Variants in CATSPERT observed in about 807,000 individuals in gnomAD.
CATSPERT encodes cation channel sperm-associated targeting subunit tau.
At chr2:201,568,572 C>G in the CATSPERT span, among the ~76,000 whole-genome samples, 1 of 152,112 alleles carries the variant, frequency 6.6e-6, no homozygotes, top group Non-Finnish European at 1.5e-5. Flanking sequence ...TTGAAGTTGT[C>G]ACTTGGCTAA....
At chr2:201,491,027 A>C in the CATSPERT span, 2 of 733,588 alleles carry the variant, frequency 2.7e-6, no homozygotes, top group African/African-American at 3.5e-5. Flanking sequence ...CTGGTCTTTC[A>C]GAGGAATTTT....
chr2:201,576,874 T>C, the CATSPERT span, among the ~76,000 whole-genome samples: 1 of 152,148 alleles, frequency 6.6e-6, no homozygotes, highest in Non-Finnish European at 1.5e-5. Flanking sequence ...ATAAGCTGAG[T>C]CCCGATAGGA....
At chr2:201,536,421 T>C in the CATSPERT span, 2 of 1,342,080 alleles carry the variant, frequency 1.5e-6, no homozygotes, top group Non-Finnish European at 2.0e-6. Context: ...ACCCTTATCC[T>C]TTAGCATAAC....
the CATSPERT span, chr2:201,545,647 AAAAAAAG>A: frequency 1.8e-5 from 15 of 834,052 alleles, no homozygotes; most frequent in East Asian, 3.9e-5. Flanking sequence ...AAAAAAAAAA[AAAAAAAG>A]AAAAAAAAAT....
the CATSPERT span, chr2:201,603,349 G>A: frequency 7.7e-7 from 1 of 1,297,856 alleles, no homozygotes; most frequent in Non-Finnish European, 1.1e-6. Context: ...TTTACACTGA[G>A]CTCTATTTTT....
the CATSPERT span, among the ~76,000 whole-genome samples, chr2:201,612,581 G>GAAAAAAAAAA: frequency 9.0e-6 from 1 of 111,268 alleles, no homozygotes; most frequent in African/African-American, 3.6e-5. Flanking sequence ...CTCCATCTTG[G>GAAAAAAAAAA]AAAAAAAAAA....
chr2:201,571,956 C>T, the CATSPERT span: 5 of 1,613,274 alleles, frequency 3.1e-6, no homozygotes. Context: ...GGGATCTGTT[C>T]TTTCTGGAGG....
the CATSPERT span, among the ~76,000 whole-genome samples, chr2:201,570,653 G>T: frequency 6.6e-5 from 10 of 152,092 alleles, no homozygotes; most frequent in Admixed American, 4.6e-4. Flanking sequence ...TGGCTCTAGG[G>T]CCTGAACTCT....
At chr2:201,524,053 A>G in the CATSPERT span, among the ~76,000 whole-genome samples, 1 of 152,228 alleles carries the variant, frequency 6.6e-6, no homozygotes, top group Admixed American at 6.5e-5. Flanking sequence ...AGAGCAAGCA[A>G]CTTGGAAAAT....
the CATSPERT span, among the ~76,000 whole-genome samples, chr2:201,566,437 T>C: frequency 6.9e-6 from 1 of 145,072 alleles, no homozygotes; most frequent in Non-Finnish European, 1.5e-5. Context: ...TTCCCACCTA[T>C]GAGTGACAAC....
At chr2:201,591,805 A>C in the CATSPERT span, among the ~76,000 whole-genome samples, 2 of 151,894 alleles carry the variant, frequency 1.3e-5, no homozygotes, top group African/African-American at 2.4e-5. Flanking sequence ...TTGGTGTATA[A>C]GAATGCTTGC....
At chr2:201,616,860 T>G in the CATSPERT span, among the ~76,000 whole-genome samples, 1 of 152,192 alleles carries the variant, frequency 6.6e-6, no homozygotes, top group African/African-American at 2.4e-5. Context: ...TTCAGCAAAG[T>G]CTTAGGATAC....
chr2:201,560,734 G>A, the CATSPERT span, among the ~76,000 whole-genome samples: 6 of 151,602 alleles, frequency 4.0e-5, no homozygotes, highest in Non-Finnish European at 7.4e-5. Flanking sequence ...AGAGGACCCC[G>A]CTAAATGAGA....
At chr2:201,570,626 T>C in the CATSPERT span, among the ~76,000 whole-genome samples, 7 of 152,290 alleles carry the variant, frequency 4.6e-5, no homozygotes, top group African/African-American at 1.4e-4. Flanking sequence ...TCATATAGGA[T>C]GTGAGCCCAT....
At chr2:201,518,154 C>T in the CATSPERT span, among the ~76,000 whole-genome samples, 378 of 152,300 alleles carry the variant, frequency 2.5e-3, 5 homozygotes, top group African/African-American at 8.4e-3. Flanking sequence ...TAGTGAGGCA[C>T]ATGCCACATC....
the CATSPERT span, chr2:201,535,106 A>T: frequency 2.1e-6 from 2 of 973,958 alleles, no homozygotes; most frequent in Non-Finnish European, 2.4e-6. Context: ...TCACATTCAG[A>T]AAAAACAAGA....
the CATSPERT span, chr2:201,574,335 CA>C: frequency 7.2e-7 from 1 of 1,391,182 alleles, no homozygotes; most frequent in South Asian, 1.4e-5. Context: ...GGAGAAGGGA[CA>C]AAAAGTGATA....
the CATSPERT span, chr2:201,535,435 C>T: frequency 1.0e-6 from 1 of 966,756 alleles, no homozygotes. Context: ...TTTAAATTCA[C>T]ACTCTTATTC....
At chr2:201,502,940 A>C in the CATSPERT span, among the ~76,000 whole-genome samples, 1 of 151,228 alleles carries the variant, frequency 6.6e-6, no homozygotes, top group East Asian at 1.9e-4. Context: ...GTAGCTCCTA[A>C]TCCTCTGTCT....
Sources: allele counts gnomAD v4.1 joint callset (sites outside exome capture counted in the v4.1 genomes callset), GRCh38; gene constraint gnomAD v4.1.1; transcripts MANE v1.5; gene names NCBI Gene and HGNC (gene_info 2026-07-23, HGNC 2026-07-21).